UHRF2: variants seen among roughly 807,000 people sequenced by gnomAD.
The protein encoded by UHRF2 is ubiquitin like with PHD and ring finger domains 2.
A neutral mutation model predicts 96.8 loss-of-function variants in UHRF2; 23 were observed. That is an observed-to-expected ratio of 0.24 (90% CI 0.17 to 0.34). UHRF2 has a LOEUF of 0.34. UHRF2 is among the 10% of genes least tolerant of loss of function. The probability of loss-of-function intolerance (pLI) is 1.00; values close to 1 mark genes in which losing one functional copy is unlikely to be tolerated. For synonymous variants in UHRF2, 385 were observed against 332.6 expected, an observed-to-expected ratio of 1.16 and a Z score of -1.72; for missense variants, 685 against 981.5, an observed-to-expected ratio of 0.70 and a Z score of 4.04.
chr9:6,460,070 G>A (rs372045042), intron 3 of UHRF2, among the ~76,000 whole-genome samples: 18 of 152,142 alleles, frequency 1.2e-4, no homozygotes, highest in African/African-American at 3.9e-4. Flanking sequence ...AGCAATGAAC[G>A]TCTTAATAAG....
rs188704894 is a variant in UHRF2, at chr9:6,416,819, G to T, written c.153+3176G>T. ...TGGGATTACAGGCGTGAGCCACCGC[G>T]CCCGGCCTAAATCTTTTGAGAATCC... On this transcript the variant is annotated intron_variant, in intron 1 of 15. Coordinates refer to ENST00000276893, the MANE Select transcript of UHRF2 (RefSeq NM_152896.3). Among the ~76,000 whole-genome samples, 401 of 152,212 alleles carry T rather than the reference G, an allele frequency of 2.6e-3. 1 individual carries two copies. Among genetic ancestry groups the T allele is most frequent in the Non-Finnish European group, 4.8e-3 (325 of 68,016 alleles).
intron 12 of UHRF2, 30 bp from the exon 13 acceptor site, chr9:6,499,805 A>G (rs745638905): frequency 5.5e-6 from 8 of 1,454,630 alleles, no homozygotes; most frequent in South Asian, 1.2e-5. Flanking sequence ...TTAAATCTGC[A>G]TTGTACTCTC....
At chr9:6,497,580 T>TC (rs923844298) in intron 11 of UHRF2, among the ~76,000 whole-genome samples, 2 of 152,062 alleles carry the variant, frequency 1.3e-5, no homozygotes, top group African/African-American at 4.8e-5. Flanking sequence ...GGTTAAGGTT[T>TC]TTTTTTTTAA....
rs184046939 is a variant in UHRF2 at position 6,481,632 on chromosome 9, T to A, written c.1161-11T>A. ...TGTGAAAATGCCTTCGTTCTTTTTT[T>A]TCTTTTAAAGGTATTGTCCTTCTTG... On this transcript the variant is annotated splice_polypyrimidine_tract_variant and intron_variant, in intron 6 of 15. Transcript: ENST00000276893. 6.2e-7 allele frequency: 1 copy of A among 1,605,994 alleles called. No homozygotes were observed. The highest frequency in any genetic ancestry group is 2.2e-5 in the East Asian group (1 of 44,816).
chr9:6,498,219 A>G (rs534062272), intron 12 of UHRF2, 61 bp downstream of exon 12: 9 of 1,541,092 alleles, frequency 5.8e-6, no homozygotes, highest in South Asian at 4.9e-5. Context: ...TCTTCTATCT[A>G]CATGCCTTAA....
rs1370663595 is a variant in UHRF2 at position 6,413,510 on chromosome 9, C to G, written c.20C>G (p.Thr7Ser). 6.3e-7 allele frequency: 1 copy of G among 1,582,678 alleles called. No homozygotes were observed. The highest frequency in any genetic ancestry group is 1.8e-5 in the Admixed American group (1 of 56,466). The change falls in exon 1 of 16, where the codon ACC becomes AGC. Residue 7 changes from threonine to serine, a missense_variant. Physicochemically the swap from Thr to Ser is moderately conservative, Grantham distance 58. Around this residue, in one of 6 missense-constraint regions of UHRF2, gnomAD observed 38 missense variants for 35.9 expected, o/e 1.06. Coordinates refer to ENST00000276893, the MANE Select transcript of UHRF2 (RefSeq NM_152896.3). MWIQVR[T>S]IDGSKTCTIE... Reference sequence around the variant, plus strand: ...GCCAAGATGTGGATACAGGTTCGCACCATTGATGGCTCCAAGACGTGCACC... The same window carrying G: ...GCCAAGATGTGGATACAGGTTCGCAGCATTGATGGCTCCAAGACGTGCACC...
chr9:6,468,882 T>A, intron 4 of UHRF2: 1 of 353,132 alleles, frequency 2.8e-6, no homozygotes, highest in Non-Finnish European at 5.6e-6. Context: ...GCATAGATGC[T>A]GATTAAATGT....
intron 3 of UHRF2, among the ~76,000 whole-genome samples, chr9:6,442,477 G>GTTTTGT (rs113583280): frequency 0.11 from 1,295 of 11,924 alleles, 22 homozygotes; most frequent in Admixed American, 0.15. Flanking sequence ...GTTTTGTTTT[G>GTTTTGT]TTTGTTTTGT....
chr9:6,439,949 GAA>G (rs747222669), intron 3 of UHRF2, among the ~76,000 whole-genome samples: 12 of 152,096 alleles, frequency 7.9e-5, no homozygotes, highest in Admixed American at 7.9e-4. Flanking sequence ...TAATGTAAAA[GAA>G]AAAAGGGAGA....
intron 6 of UHRF2, among the ~76,000 whole-genome samples, chr9:6,479,569 GCTAATAGTT>G (rs1347858136): frequency 6.6e-6 from 1 of 152,070 alleles, no homozygotes; most frequent in Non-Finnish European, 1.5e-5. Context: ...TAAATACCAA[GCTAATAGTT>G]CTGAATTTAT....
chr9:6,440,052 T>G (rs1357042982), intron 3 of UHRF2, among the ~76,000 whole-genome samples: 1 of 152,202 alleles, frequency 6.6e-6, no homozygotes, highest in Non-Finnish European at 1.5e-5. Flanking sequence ...CAATTATCCT[T>G]TCTGTAGTTA....
In UHRF2 at chr9:6,413,545, G is replaced by C; in HGVS notation, c.55G>C (p.Val19Leu). 1 of 1,596,534 alleles carries C rather than the reference G, an allele frequency of 6.3e-7. No individual in the cohort carries two copies. The highest frequency in any genetic ancestry group is 2.3e-5 in the East Asian group (1 of 42,782). ...DGSKTCTIED[V>L]SRKATIEELR... is the part of the protein sequence containing the mutation. ...CTCCAAGACGTGCACCATTGAGGAC[G>C]TGTCTCGCAAAGCCACGATTGAGGA... Residue 19 changes from valine (V) to leucine (L), a missense_variant, in exon 1 of 16, where the codon GTG (valine) becomes CTG (leucine). By Grantham distance (32) the Val-to-Leu change is conservative. Transcript: ENST00000276893.
At chr9:6,481,191 C>T (rs920356795) in intron 6 of UHRF2, among the ~76,000 whole-genome samples, 2 of 152,170 alleles carry the variant, frequency 1.3e-5, no homozygotes, top group African/African-American at 4.8e-5. Context: ...AAACAAACAT[C>T]CTTGAAGTCC....
intron 4 of UHRF2, among the ~76,000 whole-genome samples, chr9:6,473,453 G>A (rs1823372303): frequency 6.6e-6 from 1 of 152,176 alleles, no homozygotes; most frequent in Non-Finnish European, 1.5e-5. Context: ...AATGAGATGA[G>A]AAAGGAATGA....
chr9:6,503,811 A>G (rs1816434121), intron 14 of UHRF2, among the ~76,000 whole-genome samples: 1 of 151,920 alleles, frequency 6.6e-6, no homozygotes, highest in African/African-American at 2.4e-5. Context: ...TGATTTTTTT[A>G]TTTTTTAAGT....
intron 3 of UHRF2, among the ~76,000 whole-genome samples, chr9:6,437,783 A>G (rs551139611): frequency 2.0e-5 from 3 of 152,108 alleles, no homozygotes; most frequent in Non-Finnish European, 2.9e-5. Flanking sequence ...ACACCTGGCT[A>G]ATGTTTGTAT....
At position 6,504,675 on chromosome 9, in the gene UHRF2, T is replaced by C. The variant is rs1329472114; in HGVS notation, c.2246T>C (p.Phe749Ser). 2 of 1,613,366 alleles carry C rather than the reference T, an allele frequency of 1.2e-6. No homozygotes were observed. The highest frequency in any genetic ancestry group is 2.7e-5 in the African/African-American group (2 of 74,922). ...LVYQPVTTEC[F>S]HNVCKDCLQR... is the part of the protein sequence containing the mutation. Reference sequence around the variant, plus strand: ...TACCAGCCTGTGACAACTGAGTGCTTCCACAATGTCTGTAAAGTAAGTAGA... The same window carrying C: ...TACCAGCCTGTGACAACTGAGTGCTCCCACAATGTCTGTAAAGTAAGTAGA... Residue 749 changes from phenylalanine (F) to serine (S), a missense_variant, in exon 15 of 16, where the codon TTC becomes TCC. By Grantham distance (155) the Phe-to-Ser change is radical. Transcript: ENST00000276893.
intron 9 of UHRF2, among the ~76,000 whole-genome samples, chr9:6,488,151 G>T (rs1396744655): frequency 6.6e-6 from 1 of 151,074 alleles, no homozygotes; most frequent in Non-Finnish European, 1.5e-5. Flanking sequence ...GATGAGGCAG[G>T]AGGATTGCTT....
At chr9:6,416,685 G>T (rs1211364602) in intron 1 of UHRF2, among the ~76,000 whole-genome samples, 9 of 151,814 alleles carry the variant, frequency 5.9e-5, no homozygotes, top group Non-Finnish European at 1.0e-4. Context: ...GACTACAGGC[G>T]CCCGCCACTG....
Sources: gnomAD v4.1 joint callset for allele counts (sites outside exome capture counted in the v4.1 genomes callset) on GRCh38, gnomAD v4.1.1 for gene constraint, gnomAD v4.1.1 regional missense constraint, MANE v1.5 for transcripts, NCBI Gene and HGNC (gene_info 2026-07-23, HGNC 2026-07-21) for gene names.